Variants in TENM4 observed in about 807,000 individuals in gnomAD.
The protein encoded by TENM4 is teneurin-4.
In TENM4, 82 loss-of-function variants were observed where a neutral mutation model predicts 243.3. The ratio of observed to expected loss-of-function variants is 0.34; its 90% CI spans 0.28 to 0.40. The LOEUF (loss-of-function observed/expected upper bound fraction) is 0.40. TENM4 is among the 10% of genes least tolerant of loss of function. The pLI is 1.00. For missense variants in TENM4, 3,138 were observed against 3,673.3 expected (o/e 0.85, Z 3.77); for synonymous variants, 1,412 against 1,456.3 (o/e 0.97, Z 0.69).
At chr11:79,372,375 A>G (rs1345538417) in intron 1 of TENM4, among the ~76,000 whole-genome samples, 3 of 152,206 alleles carry the variant, frequency 2.0e-5, no homozygotes, top group Non-Finnish European at 4.4e-5. Flanking sequence ...TGCAGAAGTG[A>G]ATGACTTTGC....
intron 2 of TENM4, among the ~76,000 whole-genome samples, chr11:79,275,576 C>T (rs915696207): frequency 2.2e-4 from 34 of 152,196 alleles, no homozygotes; most frequent in African/African-American, 7.5e-4. Context: ...AGCCTTGTCT[C>T]CACTCCCCAG....
chr11:78,974,770 G>A (rs1340309446), intron 6 of TENM4, among the ~76,000 whole-genome samples: 2 of 147,158 alleles, frequency 1.4e-5, no homozygotes, highest in South Asian at 2.1e-4. Context: ...GGGCAGTGAC[G>A]TGAGCGCCTG....
At chr11:78,743,306 A>G (rs978680835) in intron 19 of TENM4, among the ~76,000 whole-genome samples, 2 of 152,200 alleles carry the variant, frequency 1.3e-5, no homozygotes, top group African/African-American at 4.8e-5. Context: ...CATGAGCTCC[A>G]TGAAGACAGG....
At chr11:79,005,293 G>T (rs1022976794) in intron 6 of TENM4, among the ~76,000 whole-genome samples, 1 of 152,082 alleles carries the variant, frequency 6.6e-6, no homozygotes, top group East Asian at 1.9e-4. Flanking sequence ...CCAAAACCTG[G>T]CAGAGAAAAA....
At chr11:79,035,111 G>C (rs762131071) in intron 6 of TENM4, among the ~76,000 whole-genome samples, 23 of 152,164 alleles carry the variant, frequency 1.5e-4, no homozygotes, top group South Asian at 1.0e-3. Flanking sequence ...TGCCTCTGCT[G>C]TTCTGAGCCA....
intron 2 of TENM4, among the ~76,000 whole-genome samples, chr11:79,268,978 TAGATA>T (rs762831679): frequency 4.1e-4 from 63 of 152,216 alleles, no homozygotes; most frequent in Non-Finnish European, 5.9e-4. Flanking sequence ...AAACATATAT[TAGATA>T]AGATGTCTTT....
intron 2 of TENM4, among the ~76,000 whole-genome samples, chr11:79,286,491 A>G (rs1469164246): frequency 2.1e-5 from 2 of 94,156 alleles, no homozygotes; most frequent in Non-Finnish European, 2.1e-5. Flanking sequence ...CGTCTCTACT[A>G]AAAAATCCAA....
At chr11:79,012,465 T>C (rs182754084) in intron 6 of TENM4, among the ~76,000 whole-genome samples, 46 of 152,266 alleles carry the variant, frequency 3.0e-4, no homozygotes, top group African/African-American at 1.1e-3. Context: ...ATCTTTGTAA[T>C]AACCCTGAGC....
chr11:79,097,402 T>G (rs1368195571), intron 4 of TENM4: 2 of 152,182 alleles, frequency 1.3e-5, no homozygotes, highest in African/African-American at 2.4e-5. Flanking sequence ...CTTTCCAACA[T>G]GGATCGCCTG....
intron 3 of TENM4, among the ~76,000 whole-genome samples, chr11:79,192,560 T>C (rs974513330): frequency 1.3e-5 from 2 of 151,932 alleles, no homozygotes; most frequent in African/African-American, 4.8e-5. Context: ...AAACAGATGC[T>C]TGAAGGCAGC....
intron 2 of TENM4, among the ~76,000 whole-genome samples, chr11:79,218,265 A>G (rs1864096191): frequency 4.6e-5 from 1 of 21,774 alleles, no homozygotes; most frequent in South Asian, 1.4e-3. Context: ...CCCCACCCCA[A>G]GTTCCAAAGA....
At chr11:78,763,814 C>T (rs1427762046) in intron 18 of TENM4, among the ~76,000 whole-genome samples, 2 of 149,590 alleles carry the variant, frequency 1.3e-5, no homozygotes, top group African/African-American at 5.0e-5. Context: ...CTGAAGGGCT[C>T]CAGAGTCTAA....
At chr11:78,822,045 T>C (rs1010901253) in intron 12 of TENM4, among the ~76,000 whole-genome samples, 6 of 152,188 alleles carry the variant, frequency 3.9e-5, no homozygotes, top group African/African-American at 1.4e-4. Context: ...GCTGAATGAC[T>C]AAAACGAATG....
At chr11:78,670,881 C>T (rs1238577338) in intron 31 of TENM4, among the ~76,000 whole-genome samples, 4 of 152,170 alleles carry the variant, frequency 2.6e-5, no homozygotes, top group Non-Finnish European at 5.9e-5. Context: ...GGGTTTGCCC[C>T]TTTGTGCAGG....
Position 79,215,804 on chromosome 11 carries a change from T to C in TENM4, c.-163+4A>G, listed in dbSNP as rs1864041923. 2.0e-6 allele frequency: 2 copies of C among 985,912 alleles called. No homozygotes were observed. The highest frequency in any genetic ancestry group is 2.4e-6 in the Non-Finnish European group (2 of 829,972). The allele number at this position is 985,912 out of a possible 1,614,324, so 61.1% of individuals were successfully genotyped here. On this transcript the variant is annotated splice_donor_region_variant and intron_variant, in intron 3 of 33. Coordinates refer to ENST00000278550, the MANE Select transcript of TENM4 (RefSeq NM_001098816.3). ...AGAAAATCAGAGCAGACAAGGGGAC[T>C]GACCTGGCTCCATGTCAGCACGTTC...
chr11:79,098,848 A>G (rs1025393449), intron 4 of TENM4, among the ~76,000 whole-genome samples: 3 of 152,188 alleles, frequency 2.0e-5, no homozygotes, highest in Non-Finnish European at 4.4e-5. Flanking sequence ...TATTGCAGCT[A>G]GTAAGACCTG....
chr11:79,327,868 A>C (rs6592836), intron 1 of TENM4, among the ~76,000 whole-genome samples: 19 of 151,774 alleles, frequency 1.3e-4, no homozygotes, highest in Admixed American at 1.0e-3. Flanking sequence ...GAGAACTAAA[A>C]ATTTTCAAGC....
intron 4 of TENM4, among the ~76,000 whole-genome samples, chr11:79,114,826 G>A (rs190578332): frequency 1.3e-5 from 2 of 152,190 alleles, no homozygotes; most frequent in South Asian, 4.1e-4. Flanking sequence ...GGATCTCCAA[G>A]GCATTGGCCA....
At chr11:79,361,149 G>A (rs1260173282) in intron 1 of TENM4, among the ~76,000 whole-genome samples, 19 of 152,214 alleles carry the variant, frequency 1.2e-4, no homozygotes, top group Admixed American at 1.2e-3. Context: ...ATGAGATCCA[G>A]CAGGCATAAT....
Sources: allele counts gnomAD v4.1 joint callset (sites outside exome capture counted in the v4.1 genomes callset), GRCh38; gene constraint gnomAD v4.1.1; transcripts MANE v1.5; gene names NCBI Gene and HGNC (gene_info 2026-07-23, HGNC 2026-07-21).